The following MAF variants were observed in gnomAD, a reference collection of about 807,000 sequenced individuals.
MAF encodes the protein transcription factor Maf.
A neutral mutation model predicts 22.0 loss-of-function variants in MAF; 10 were observed. The observed-to-expected ratio is 0.45, with a 90% CI of 0.28 to 0.77. The LOEUF (loss-of-function observed/expected upper bound fraction) is 0.77. MAF is among the 30% of genes least tolerant of loss of function. MAF has a pLI of 0.12. For synonymous variants in MAF, 337 were observed against 255.8 expected (o/e 1.32, Z -3.03); for missense variants, 544 against 548.4 (o/e 0.99, Z 0.08).
At chr16:79,438,879 C>A in the MAF span, among the ~76,000 whole-genome samples, 9 of 152,298 alleles carry the variant, frequency 5.9e-5, no homozygotes, top group East Asian at 9.7e-4. Flanking sequence ...ACAGACACCA[C>A]TTTTCATCCC....
the MAF span, among the ~76,000 whole-genome samples, chr16:79,473,559 C>G: frequency 1.3e-5 from 2 of 152,196 alleles, no homozygotes; most frequent in Admixed American, 1.3e-4. Context: ...GAGGACACAT[C>G]TACCAGCCTC....
chr16:79,320,960 G>A, the MAF span, among the ~76,000 whole-genome samples: 1 of 152,306 alleles, frequency 6.6e-6, no homozygotes, highest in East Asian at 1.9e-4. Context: ...TGAAGAAGAT[G>A]GGATTTGAAC....
chr16:79,428,100 A>AAG, the MAF span, among the ~76,000 whole-genome samples: 2 of 151,308 alleles, frequency 1.3e-5, no homozygotes, highest in African/African-American at 4.9e-5. Context: ...TCAAATTAAA[A>AAG]AAAAAAAAAA....
At chr16:79,519,375 A>G in the MAF span, among the ~76,000 whole-genome samples, 6 of 152,338 alleles carry the variant, frequency 3.9e-5, no homozygotes, top group African/African-American at 1.4e-4. Context: ...AGCTCTGCCC[A>G]TGATGGAGAG....
the MAF span, among the ~76,000 whole-genome samples, chr16:79,409,955 T>G: frequency 3.9e-5 from 6 of 152,316 alleles, no homozygotes; most frequent in African/African-American, 9.6e-5. Flanking sequence ...AAATATGGCC[T>G]GAGAAAGACT....
At chr16:79,326,484 A>G in the MAF span, among the ~76,000 whole-genome samples, 1 of 152,236 alleles carries the variant, frequency 6.6e-6, no homozygotes, top group Non-Finnish European at 1.5e-5. Context: ...TCTGTTGGAT[A>G]TAGCAACATT....
chr16:79,414,422 T>A, the MAF span, among the ~76,000 whole-genome samples: 1 of 152,076 alleles, frequency 6.6e-6, no homozygotes, highest in Admixed American at 6.6e-5. Context: ...GTTTTAAAAA[T>A]CAATCAGATC....
At chr16:79,293,861 G>C in the MAF span, among the ~76,000 whole-genome samples, 1 of 136,094 alleles carries the variant, frequency 7.3e-6, no homozygotes, top group Admixed American at 7.2e-5. Context: ...GAGAGAGAGA[G>C]AGAGAGAGAA....
chr16:79,430,029 C>T, the MAF span, among the ~76,000 whole-genome samples: 1 of 152,130 alleles, frequency 6.6e-6, no homozygotes, highest in African/African-American at 2.4e-5. Flanking sequence ...GGACCAAAGT[C>T]TTCTGCCTTG....
At chr16:79,318,861 A>G in the MAF span, among the ~76,000 whole-genome samples, 9 of 152,306 alleles carry the variant, frequency 5.9e-5, no homozygotes, top group Admixed American at 4.6e-4. Context: ...CAAGTTTGCA[A>G]TGGGTAAGAC....
At chr16:79,522,724 G>T in the MAF span, among the ~76,000 whole-genome samples, 1 of 152,224 alleles carries the variant, frequency 6.6e-6, no homozygotes, top group South Asian at 2.1e-4. Flanking sequence ...AGGCTTCCTG[G>T]ATTGAGATCA....
the MAF span, among the ~76,000 whole-genome samples, chr16:79,541,439 G>T: frequency 6.6e-6 from 1 of 151,904 alleles, no homozygotes; most frequent in African/African-American, 2.4e-5. Flanking sequence ...CCCTGGCAGG[G>T]ACTCTAGGCA....
chr16:79,240,376 C>A, the MAF span, among the ~76,000 whole-genome samples: 12 of 151,044 alleles, frequency 7.9e-5, no homozygotes, highest in Non-Finnish European at 1.6e-4. Context: ...CACTCCCAAG[C>A]CCTACAACAC....
the MAF span, among the ~76,000 whole-genome samples, chr16:79,553,907 G>A: frequency 4.5e-4 from 69 of 152,044 alleles, no homozygotes; most frequent in Non-Finnish European, 9.4e-4. Flanking sequence ...TGGCAAATAT[G>A]GTGAAACTCC....
chr16:79,451,941 A>G, the MAF span, among the ~76,000 whole-genome samples: 2 of 152,226 alleles, frequency 1.3e-5, no homozygotes, highest in Non-Finnish European at 2.9e-5. Flanking sequence ...AGAGTCTCTT[A>G]GTGCTTTGCA....
the MAF span, among the ~76,000 whole-genome samples, chr16:79,562,520 A>C: frequency 6.6e-6 from 1 of 152,028 alleles, no homozygotes; most frequent in Non-Finnish European, 1.5e-5. Flanking sequence ...GTCTAACCAG[A>C]CCACAAAACA....
the MAF span, among the ~76,000 whole-genome samples, chr16:79,233,185 A>T: frequency 6.6e-6 from 1 of 152,002 alleles, no homozygotes; most frequent in Non-Finnish European, 1.5e-5. Context: ...TTTTCATGCA[A>T]TGAAGAAGGA....
chr16:79,390,159 G>C, the MAF span, among the ~76,000 whole-genome samples: 4 of 152,018 alleles, frequency 2.6e-5, no homozygotes, highest in Non-Finnish European at 4.4e-5. Flanking sequence ...CATCGTGGGA[G>C]CTGAAGCACT....
At chr16:79,456,385 C>A in the MAF span, among the ~76,000 whole-genome samples, 1 of 152,138 alleles carries the variant, frequency 6.6e-6, no homozygotes, top group South Asian at 2.1e-4. Context: ...GATAGAAATA[C>A]GCCCATTCTG....
Sources: allele counts gnomAD v4.1 joint callset (sites outside exome capture counted in the v4.1 genomes callset), GRCh38; gene constraint gnomAD v4.1.1; transcripts MANE v1.5; gene names NCBI Gene and HGNC (gene_info 2026-07-23, HGNC 2026-07-21).